Variants in C6 observed in about 807,000 individuals in gnomAD.
The protein encoded by C6 is complement component C6.
A neutral mutation model predicts 112.9 loss-of-function variants in C6; 101 were observed. The observed-to-expected ratio is 0.89, with a 90% CI of 0.76 to 1.06. The LOEUF (loss-of-function observed/expected upper bound fraction) is 1.06. Among genes scored for constraint, C6 ranks in the 50% least tolerant of loss-of-function variants. C6 has a pLI of 0.00. For synonymous variants in C6, 431 were observed against 384.1 expected (o/e 1.12, Z -1.43); for missense variants, 1,202 against 1,104.6 (o/e 1.09, Z -1.25).
chr5:41,153,846 T>C lies in C6; in HGVS notation c.2254A>G (p.Thr752Ala). ...SRYTCQGNSWTPPISNSLTCE... is the reference protein window; with the variant it reads ...SRYTCQGNSWAPPISNSLTCE... Reference sequence around the variant, plus strand: ...GTGAGAGAGTTTGAAATGGGTGGTGTCCAGGAATTCCCCTGGCATGTGTAC... The same window carrying C: ...GTGAGAGAGTTTGAAATGGGTGGTGCCCAGGAATTCCCCTGGCATGTGTAC... The change falls in exon 15 of 18, where the codon ACA (threonine) becomes GCA (alanine). Residue 752 changes from threonine (T) to alanine (A), a missense_variant. By Grantham distance (58) the Thr-to-Ala change is moderately conservative. Coordinates refer to ENST00000337836, the MANE Select transcript of C6 (RefSeq NM_000065.5). The C allele has an allele frequency of 6.2e-7, 1 of 1,613,426 alleles. No individual in the cohort carries two copies. Among genetic ancestry groups the C allele is most frequent in the Non-Finnish European group, 8.5e-7 (1 of 1,179,750 alleles).
At position 41,144,959 on chromosome 5, in the gene C6, C is replaced by T. The variant is rs564838438; in HGVS notation, c.2624-1953G>A. On this transcript the variant is annotated intron_variant, in intron 17 of 17. Transcript: ENST00000337836. ...CATAGCATTCCATGGTATATTTGTA[C>T]CACATTTTCTTTATGCAGTTTATTG... 8.5e-5 allele frequency among the ~76,000 whole-genome samples: 13 copies of T among 152,258 alleles called. No homozygotes were observed. In the East Asian group the frequency reaches 1.5e-3, roughly 18 times the overall value.
chr5:41,172,293 A>G lies in C6; in HGVS notation c.1223T>C (p.Val408Ala). 6.2e-7 allele frequency: 1 copy of G among 1,613,622 alleles called. No homozygotes were observed. Among genetic ancestry groups the G allele is most frequent in the South Asian group, 1.1e-5 (1 of 91,070 alleles). ...CACTTTTGTTTTCTTAGCAAATAAAACGCGTTTCTTTGTTTCAATCCTGAC... is the reference window on the plus strand; with the variant it reads ...CACTTTTGTTTTCTTAGCAAATAAAGCGCGTTTCTTTGTTTCAATCCTGAC... ...HCVRIETKKR[V>A]LFAKKTKVEH... The change falls in exon 9 of 18, where the codon GTT (valine) becomes GCT (alanine). Residue 408 changes from valine (V) to alanine (A), a missense_variant. Val to Ala is a moderately conservative substitution (Grantham distance 64). Coordinates refer to ENST00000337836, the MANE Select transcript of C6 (RefSeq NM_000065.5).
At position 41,195,911 on chromosome 5, in the gene C6, T is replaced by A. The variant is rs751922876; in HGVS notation, c.468A>T (p.Leu156Phe). ...CACAGTCATTTTCTCCATTGCATTC[T>A]AACTTTCTGGCAATGCAGCGGCCTA... The part of the protein sequence containing the change: ...CDSGRCIARK[L>F]ECNGENDCGD... Residue 156 changes from leucine to phenylalanine, a missense_variant, in exon 5 of 18, where the codon TTA (leucine) becomes TTT (phenylalanine). Leu to Phe is a conservative substitution (Grantham distance 22). Coordinates refer to ENST00000337836, the MANE Select transcript of C6 (RefSeq NM_000065.5). 6.2e-7 allele frequency: 1 copy of A among 1,613,988 alleles called. No individual in the cohort carries two copies. Among genetic ancestry groups the A allele is most frequent in the Non-Finnish European group, 8.5e-7 (1 of 1,179,910 alleles).
intron 1 of C6, among the ~76,000 whole-genome samples, chr5:41,240,995 G>C (rs1580246846): frequency 6.6e-6 from 1 of 152,120 alleles, no homozygotes; most frequent in Non-Finnish European, 1.5e-5. Flanking sequence ...TGACTTACAG[G>C]GCAAGACAAC....
chr5:41,209,869 T>C (rs964999813), intron 1 of C6, among the ~76,000 whole-genome samples: 1 of 152,202 alleles, frequency 6.6e-6, no homozygotes, highest in Non-Finnish European at 1.5e-5. Context: ...AAAACTACTT[T>C]AAGGTTCATA....
intron 1 of C6, among the ~76,000 whole-genome samples, chr5:41,229,269 G>T (rs1348512517): frequency 1.4e-5 from 2 of 147,342 alleles, no homozygotes; most frequent in African/African-American, 4.9e-5. Flanking sequence ...GGTGGAGTTT[G>T]TTTATGTGTG....
intron 7 of C6, 121 bp from the exon 8 acceptor site, chr5:41,176,836 A>G (rs998304566): frequency 2.2e-5 from 21 of 957,874 alleles, no homozygotes; most frequent in Admixed American, 1.6e-4. Flanking sequence ...AATAATTCTC[A>G]CTCTCTATTG....
chr5:41,165,961 T>C (rs1376889771), intron 9 of C6, among the ~76,000 whole-genome samples: 2 of 152,136 alleles, frequency 1.3e-5, no homozygotes, highest in Non-Finnish European at 2.9e-5. Flanking sequence ...TAATTTTTAC[T>C]GCTTTCCCAC....
At chr5:41,255,337 G>GGA (rs1480437204) in intron 1 of C6, among the ~76,000 whole-genome samples, 1 of 145,560 alleles carries the variant, frequency 6.9e-6, no homozygotes, top group Admixed American at 7.1e-5. Context: ...CTCCAGCCTG[G>GGA]GAGACAGAGT....
chr5:41,256,905 C>G (rs1216114772), intron 1 of C6, among the ~76,000 whole-genome samples: 1 of 152,100 alleles, frequency 6.6e-6, no homozygotes, highest in Non-Finnish European at 1.5e-5. Flanking sequence ...ATCCCCAAGT[C>G]CAATGAGGTG....
At chr5:41,192,865 G>C (rs929272345) in intron 5 of C6, among the ~76,000 whole-genome samples, 1 of 152,126 alleles carries the variant, frequency 6.6e-6, no homozygotes, top group African/African-American at 2.4e-5. Flanking sequence ...AGGGTTAGGA[G>C]TCAGGTAGAA....
chr5:41,226,841 T>C (rs1739540961), intron 1 of C6, among the ~76,000 whole-genome samples: 1 of 152,170 alleles, frequency 6.6e-6, no homozygotes, highest in Non-Finnish European at 1.5e-5. Context: ...CCACATTTTC[T>C]TTATCCATTC....
rs1375373377 is a variant in C6 at position 41,154,974 on chromosome 5, T to C, written c.2099A>G (p.Gln700Arg). 2 of 1,613,782 alleles carry C rather than the reference T, an allele frequency of 1.2e-6. No homozygotes were observed. The highest frequency in any genetic ancestry group is 2.2e-5 in the East Asian group (1 of 44,868). The change falls in exon 14 of 18, where the codon CAA (glutamine) becomes CGA (arginine). Residue 700 changes from glutamine (Q) to arginine (R), a missense_variant and splice_region_variant. Transcript: ENST00000337836. Reference protein sequence around the residue: ...GTWRQGDVECQRTECIKPVVQ... With the variant: ...GTWRQGDVECRRTECIKPVVQ... ...AAAATTGTTTGCCCAGTTCTCACGT[T>C]GGCATTCCACATCCCCTTGTCTCCA...
intron 1 of C6, among the ~76,000 whole-genome samples, chr5:41,243,710 T>C (rs1353893649): frequency 2.0e-5 from 3 of 152,210 alleles, no homozygotes; most frequent in Non-Finnish European, 2.9e-5. Context: ...ATGAAATCTC[T>C]GCTACTCTCT....
upstream of C6, among the ~76,000 whole-genome samples, chr5:41,217,058 C>A (rs1293763217): frequency 6.6e-6 from 1 of 152,066 alleles, no homozygotes; most frequent in Non-Finnish European, 1.5e-5. Context: ...GTTTCTCTTG[C>A]CATTATATTT....
chr5:41,228,675 A>G (rs35212662), intron 1 of C6, among the ~76,000 whole-genome samples: 26,594 of 152,128 alleles, frequency 0.17, 2,812 homozygotes, highest in South Asian at 0.35. Context: ...AAGATGTTAA[A>G]TTTTGACAAA....
At chr5:41,176,336 T>C (rs945984656) in intron 8 of C6, 139 bp downstream of exon 8, 1 of 898,182 alleles carries the variant, frequency 1.1e-6, no homozygotes, top group Admixed American at 2.8e-5. Flanking sequence ...GTGTATTTTT[T>C]ATCATTCTTC....
At chr5:41,167,468 T>C (rs1748078916) in intron 9 of C6, among the ~76,000 whole-genome samples, 1 of 152,118 alleles carries the variant, frequency 6.6e-6, no homozygotes. Flanking sequence ...AACTAAAATA[T>C]AGACTTGATG....
chr5:41,256,443 T>TAAAAAAAAAAAAAAAAAAGAA (rs5867547), intron 1 of C6, among the ~76,000 whole-genome samples: 1 of 122,890 alleles, frequency 8.1e-6, no homozygotes, highest in Non-Finnish European at 1.6e-5. Context: ...AAAAAAAAAG[T>TAAAAAAAAAAAAAAAAAAGAA]AAAAAAAAAA....
Sources: allele counts gnomAD v4.1 joint callset (sites outside exome capture counted in the v4.1 genomes callset), GRCh38; gene constraint gnomAD v4.1.1; transcripts MANE v1.5; gene names NCBI Gene and HGNC (gene_info 2026-07-23, HGNC 2026-07-21).